CDKAL1: variants seen among roughly 807,000 people sequenced by gnomAD.
CDKAL1 encodes CDKAL1 threonylcarbamoyladenosine tRNA methylthiotransferase, also known as threonylcarbamoyladenosine tRNA methylthiotransferase.
Under a neutral mutation model 68.2 loss-of-function variants are expected in CDKAL1, and 32 were observed. The observed-to-expected ratio is 0.47, with a 90% CI of 0.35 to 0.63. The LOEUF is 0.63. Ranked by LOEUF, CDKAL1 falls within the 30% of genes least tolerant of loss-of-function variation. The probability of loss-of-function intolerance (pLI) is 0.00; values close to 1 mark genes in which losing one functional copy is unlikely to be tolerated. For synonymous variants in CDKAL1, 234 were observed against 244.3 expected (o/e 0.96, Z 0.39); for missense variants, 606 against 696.7 (o/e 0.87, Z 1.47).
chr6:21,122,883 G>C (rs959677664), intron 13 of CDKAL1, among the ~76,000 whole-genome samples: 1 of 147,102 alleles, frequency 6.8e-6, no homozygotes, highest in African/African-American at 2.5e-5. Context: ...GGCTTTTAGC[G>C]ATCCTCCCAC....
At chr6:20,729,930 C>T (rs1772831643) in intron 5 of CDKAL1, among the ~76,000 whole-genome samples, 1 of 152,198 alleles carries the variant, frequency 6.6e-6, no homozygotes, top group South Asian at 2.1e-4. Context: ...TGGTAGCATG[C>T]TTGTGGACTA....
At chr6:20,713,804 C>T (rs1771958686) in intron 5 of CDKAL1, among the ~76,000 whole-genome samples, 1 of 151,924 alleles carries the variant, frequency 6.6e-6, no homozygotes, top group African/African-American at 2.4e-5. Context: ...TTCTAAATAC[C>T]TTATCACAAG....
At chr6:20,805,336 A>C (rs1446643985) in intron 8 of CDKAL1, among the ~76,000 whole-genome samples, 3 of 152,184 alleles carry the variant, frequency 2.0e-5, no homozygotes, top group African/African-American at 7.2e-5. Flanking sequence ...CTGAAACTGG[A>C]GCTTTCATTG....
intron 8 of CDKAL1, among the ~76,000 whole-genome samples, chr6:20,799,560 A>G (rs1376930158): frequency 3.3e-5 from 5 of 152,230 alleles, no homozygotes; most frequent in Admixed American, 2.6e-4. Flanking sequence ...CTTATTATAT[A>G]AAAAATTTAA....
rs79369932 is a variant in CDKAL1, at chr6:20,815,680, A to G, written c.639-30395A>G. ...ATTATGAAAGTAAACATGTTCATTA[A>G]AAAAAGGTTTAGAAAATTTGAAAAA... On this transcript the variant is annotated intron_variant, in intron 8 of 15. Transcript: ENST00000274695. Among the ~76,000 whole-genome samples the G allele has an allele frequency of 8.9e-3, 1,352 of 152,180 alleles. 23 individuals carry two copies. Among genetic ancestry groups the G allele is most frequent in the African/African-American group, 0.031 (1,270 of 41,514 alleles).
chr6:20,861,823 A>G (rs1759647620), intron 9 of CDKAL1, among the ~76,000 whole-genome samples: 1 of 152,216 alleles, frequency 6.6e-6, no homozygotes, highest in African/African-American at 2.4e-5. Context: ...TATCATGTGG[A>G]CAGAGAGATG....
At chr6:20,919,077 G>T (rs1463947816) in intron 9 of CDKAL1, among the ~76,000 whole-genome samples, 1 of 152,302 alleles carries the variant, frequency 6.6e-6, no homozygotes, top group East Asian at 1.9e-4. Flanking sequence ...AGTCATGTGG[G>T]TTACTGCAGG....
intron 12 of CDKAL1, among the ~76,000 whole-genome samples, chr6:21,099,388 T>G (rs541626590): frequency 6.6e-6 from 1 of 152,318 alleles, no homozygotes; most frequent in South Asian, 2.1e-4. Flanking sequence ...AATTTGAATT[T>G]TATATAATTT....
chr6:20,648,103 A>G (rs1481559845), intron 4 of CDKAL1, among the ~76,000 whole-genome samples: 1 of 147,434 alleles, frequency 6.8e-6, no homozygotes, highest in African/African-American at 2.5e-5. Context: ...TTTTTTTGCC[A>G]TGTTTATAAT....
chr6:20,723,635 GT>G, intron 5 of CDKAL1: 1 of 184,706 alleles, frequency 5.4e-6, no homozygotes, highest in East Asian at 1.4e-4. Context: ...AAGTTTGATG[GT>G]TTTTAGGAAT....
chr6:21,137,272 A>C (rs1674304200), intron 13 of CDKAL1, among the ~76,000 whole-genome samples: 1 of 152,206 alleles, frequency 6.6e-6, no homozygotes, highest in African/African-American at 2.4e-5. Context: ...TTTGAGTTAA[A>C]GATATTGTTC....
chr6:21,037,430 T>A (rs1414682916), intron 11 of CDKAL1, among the ~76,000 whole-genome samples: 1 of 152,200 alleles, frequency 6.6e-6, no homozygotes, highest in Non-Finnish European at 1.5e-5. Context: ...TTATCACCAT[T>A]TTATAAAATG....
intron 7 of CDKAL1, among the ~76,000 whole-genome samples, chr6:20,762,906 T>C (rs1774532755): frequency 2.6e-5 from 4 of 152,200 alleles, no homozygotes. Context: ...TTTGGGACTT[T>C]CTACCATTTT....
chr6:20,732,870 A>C (rs1773020301), intron 5 of CDKAL1, among the ~76,000 whole-genome samples: 1 of 152,198 alleles, frequency 6.6e-6, no homozygotes, highest in Non-Finnish European at 1.5e-5. Flanking sequence ...TCTATAATGA[A>C]CCAAGTTTTT....
At chr6:21,147,721 G>C (rs935633160) in intron 13 of CDKAL1, among the ~76,000 whole-genome samples, 4 of 152,116 alleles carry the variant, frequency 2.6e-5, no homozygotes, top group Non-Finnish European at 5.9e-5. Flanking sequence ...AGGCAACACT[G>C]GTGTTTTTAC....
chr6:20,826,504 T>C (rs1255281298), intron 8 of CDKAL1, among the ~76,000 whole-genome samples: 2 of 152,166 alleles, frequency 1.3e-5, no homozygotes. Flanking sequence ...CCCTTCTTTA[T>C]TTTTAAATGG....
At chr6:20,787,139 CT>C (rs1775710266) in intron 8 of CDKAL1, among the ~76,000 whole-genome samples, 1 of 152,102 alleles carries the variant, frequency 6.6e-6, no homozygotes, top group South Asian at 2.1e-4. Context: ...GATACTTTAT[CT>C]TTTAAAATTT....
chr6:21,219,122 T>C lies in CDKAL1; in HGVS notation c.1549-11726T>C, dbSNP rs369401515. ...TGTAGAGATGTGATCTTTCTTCAGA[T>C]GGTTGGGTTCAGTTTAGTGTAATTA... is the stretch of plus-strand genomic sequence containing the variant. On this transcript the variant is annotated intron_variant, in intron 15 of 15. Transcript: ENST00000274695. 2.0e-4 allele frequency among the ~76,000 whole-genome samples: 30 copies of C among 152,314 alleles called. 1 individual carries two copies. In the South Asian group the frequency reaches 6.0e-3, roughly 31 times the overall value.
chr6:20,953,911 G>C (rs1274268719), intron 9 of CDKAL1, among the ~76,000 whole-genome samples: 1 of 152,024 alleles, frequency 6.6e-6, no homozygotes, highest in African/African-American at 2.4e-5. Context: ...AATGTATTGA[G>C]CTTTTTATTT....
Sources: allele counts gnomAD v4.1 joint callset (sites outside exome capture counted in the v4.1 genomes callset), GRCh38; gene constraint gnomAD v4.1.1; transcripts MANE v1.5; gene names NCBI Gene and HGNC (gene_info 2026-07-23, HGNC 2026-07-21).